Variants in CMTM4 observed in about 807,000 individuals in gnomAD.
CMTM4 encodes the protein CKLF like MARVEL transmembrane domain containing 4, also known as CKLF-like MARVEL transmembrane domain-containing protein 4.
A neutral mutation model predicts 19.0 loss-of-function variants in CMTM4; 8 were observed. The observed-to-expected ratio is 0.42, with a 90% CI of 0.25 to 0.76. CMTM4 has a LOEUF of 0.76. Among genes scored for constraint, CMTM4 ranks in the 30% least tolerant of loss-of-function variants. CMTM4 has a pLI of 0.27. For missense variants in CMTM4, 228 were observed against 290.2 expected, an observed-to-expected ratio of 0.79 and a Z score of 1.56; for synonymous variants, 106 against 121.1, an observed-to-expected ratio of 0.88 and a Z score of 0.82.
At chr16:66,651,857 A>C (rs192183817) in intron 1 of CMTM4, among the ~76,000 whole-genome samples, 8 of 152,372 alleles carry the variant, frequency 5.3e-5, no homozygotes, top group African/African-American at 1.9e-4. Flanking sequence ...CTCTCCCTTA[A>C]GACAATCGAG....
the CMTM4 span, among the ~76,000 whole-genome samples, chr16:66,606,682 A>G: frequency 6.6e-6 from 1 of 152,156 alleles, no homozygotes; most frequent in Non-Finnish European, 1.5e-5. Context: ...CAACACCCAC[A>G]GGGCCAAGTT....
chr16:66,630,282 T>TTCCCTC (rs1361958090), intron 2 of CMTM4, among the ~76,000 whole-genome samples: 13 of 134,294 alleles, frequency 9.7e-5, no homozygotes, highest in African/African-American at 3.4e-4. Flanking sequence ...ACACAAGACT[T>TTCCCTC]TCCCTCTCCC....
chr16:66,641,072 G>C (rs752207651), intron 1 of CMTM4, among the ~76,000 whole-genome samples: 4 of 152,166 alleles, frequency 2.6e-5, no homozygotes, highest in Non-Finnish European at 5.9e-5. Flanking sequence ...TTTTAAGACA[G>C]GGTCTTCCTC....
rs1567400284 is a variant in CMTM4, at chr16:66,617,321, ATT to A, written c.*4735_*4736del. 2.5e-6 allele frequency: 4 copies of A among 1,614,082 alleles called. No individual in the cohort carries two copies. The Admixed American group carries it at 6.7e-5, about 27-fold the overall frequency. On this transcript the variant is annotated 3_prime_UTR_variant, in exon 4 of 4. Coordinates refer to ENST00000394106, the MANE Select transcript of CMTM4 (RefSeq NM_181521.3). ...TTCAAACTCAGCAGGTTTGTGGGTG[ATT>A]TTTTCCTTACTGTTACGTTTGTGGA...
intron 2 of CMTM4, among the ~76,000 whole-genome samples, chr16:66,633,102 AAT>A (rs371737613): frequency 0.65 from 62,975 of 96,732 alleles, 16,837 homozygotes; most frequent in African/African-American, 0.73. Context: ...TATATATATA[AAT>A]ATATATATAT....
intron 1 of CMTM4, among the ~76,000 whole-genome samples, chr16:66,644,408 G>A (rs972308016): frequency 2.0e-5 from 3 of 152,190 alleles, no homozygotes; most frequent in Non-Finnish European, 2.9e-5. Flanking sequence ...TGATCATACT[G>A]AAGTTCAAAT....
At chr16:66,654,641 T>C (rs559831628) in intron 1 of CMTM4, among the ~76,000 whole-genome samples, 2 of 152,344 alleles carry the variant, frequency 1.3e-5, no homozygotes, top group Non-Finnish European at 2.9e-5. Flanking sequence ...AGTGGGGCTC[T>C]GGAGGCTCAC....
At chr16:66,609,509 T>C in the CMTM4 span, 20 of 1,606,598 alleles carry the variant, frequency 1.2e-5, no homozygotes, top group Non-Finnish European at 1.6e-5. The surrounding 1 kb of genome is among the most constrained non-coding windows in gnomAD (Gnocchi z 4.4). Flanking sequence ...AGTACTCGGA[T>C]GGGGCTTCCA....
intron 1 of CMTM4, among the ~76,000 whole-genome samples, chr16:66,656,079 T>G (rs1466207130): frequency 6.6e-6 from 1 of 152,128 alleles, no homozygotes; most frequent in Non-Finnish European, 1.5e-5. Flanking sequence ...CATTCTAGCC[T>G]GGGCAACAGA....
At chr16:66,608,744 C>T in the CMTM4 span, among the ~76,000 whole-genome samples, 17 of 152,178 alleles carry the variant, frequency 1.1e-4, no homozygotes, top group African/African-American at 4.1e-4. This position sits in a 1 kb window ranked among gnomAD's most constrained non-coding sequence, Gnocchi z 5.1. Flanking sequence ...CCCCACCGGG[C>T]CTACAGGAAT....
At chr16:66,692,731 C>T (rs892473948) in intron 1 of CMTM4, among the ~76,000 whole-genome samples, 1 of 152,036 alleles carries the variant, frequency 6.6e-6, no homozygotes, top group African/African-American at 2.4e-5. Context: ...CATGGGGAAA[C>T]CCCATCTCTA....
intron 1 of CMTM4, among the ~76,000 whole-genome samples, chr16:66,679,103 A>G (rs2016861278): frequency 6.6e-6 from 1 of 152,054 alleles, no homozygotes. Context: ...CATCTAAAAA[A>G]AAAAAAAAAA....
At chr16:66,671,797 G>T (rs1307851947) in intron 1 of CMTM4, among the ~76,000 whole-genome samples, 1 of 151,992 alleles carries the variant, frequency 6.6e-6, no homozygotes, top group Non-Finnish European at 1.5e-5. Flanking sequence ...GACCAGTAAT[G>T]AATATTTCAA....
intron 2 of CMTM4, among the ~76,000 whole-genome samples, chr16:66,629,517 A>G (rs866227383): frequency 2.6e-5 from 4 of 152,352 alleles, no homozygotes; most frequent in Middle Eastern, 6.8e-3. Context: ...TGAGTGTGCT[A>G]TAATGAAAAA....
Position 66,617,673 on chromosome 16 carries a change from A to G in CMTM4, c.*4385T>C, listed in dbSNP as rs867286584. On this transcript the variant is annotated 3_prime_UTR_variant, in exon 4 of 4. Coordinates refer to ENST00000394106, the MANE Select transcript of CMTM4 (RefSeq NM_181521.3). ...GTGACTTGAATGATATCTGCTGAGA[A>G]GAGAAGAAACACAAGATTCTACAAA... 1.9e-6 allele frequency: 2 copies of G among 1,075,902 alleles called. No individual in the cohort carries two copies. Among genetic ancestry groups the G allele is most frequent in the Middle Eastern group, 4.4e-4 (1 of 2,258 alleles). The allele number at this position is 1,075,902 out of a possible 1,614,324, so 66.6% of individuals were successfully genotyped here.
chr16:66,638,456 C>T lies in CMTM4; in HGVS notation c.187-1875G>A, dbSNP rs61609876. Among the ~76,000 whole-genome samples, 640 of 152,332 alleles carry T rather than the reference C, an allele frequency of 4.2e-3. 5 individuals are homozygous for T. Among genetic ancestry groups the T allele is most frequent in the African/African-American group, 0.015 (624 of 41,568 alleles). On this transcript the variant is annotated intron_variant, in intron 1 of 3. Coordinates refer to ENST00000394106, the MANE Select transcript of CMTM4 (RefSeq NM_181521.3). ...TCAACACATTAAAGACATGGGTCTT[C>T]TTGGTCAAAGGATACAAAATTTCAG...
intron 1 of CMTM4, among the ~76,000 whole-genome samples, chr16:66,664,361 A>C (rs1013569516): frequency 6.6e-6 from 1 of 152,192 alleles, no homozygotes; most frequent in African/African-American, 2.4e-5. Flanking sequence ...GAAACTTGGA[A>C]TATCAGTAGT....
chr16:66,635,057 CTGACCT>C (rs1168659251), intron 2 of CMTM4, among the ~76,000 whole-genome samples: 2 of 152,352 alleles, frequency 1.3e-5, no homozygotes, highest in African/African-American at 4.8e-5. Context: ...GAACAAGATG[CTGACCT>C]TGACCTTGAC....
At chr16:66,676,932 G>A (rs986722023) in intron 1 of CMTM4, among the ~76,000 whole-genome samples, 4 of 152,134 alleles carry the variant, frequency 2.6e-5, no homozygotes, top group African/African-American at 9.7e-5. Context: ...GTGCTTCATC[G>A]CAGGACACCA....
Sources: gnomAD v4.1 joint callset for allele counts (sites outside exome capture counted in the v4.1 genomes callset) on GRCh38, gnomAD v4.1.1 for gene constraint, Gnocchi (gnomAD v3.1) non-coding constraint, MANE v1.5 for transcripts, NCBI Gene and HGNC (gene_info 2026-07-23, HGNC 2026-07-21) for gene names.